Variants in INPP4B observed in about 807,000 individuals in gnomAD.
The protein encoded by INPP4B is inositol polyphosphate 4-phosphatase type II.
In INPP4B, 55 loss-of-function variants were observed where a neutral mutation model predicts 122.5. The ratio of observed to expected loss-of-function variants is 0.45; its 90% CI spans 0.36 to 0.56. The LOEUF is 0.56. INPP4B is among the 20% of genes least tolerant of loss of function. INPP4B has a pLI of 0.00. For synonymous variants in INPP4B, 403 were observed against 388.7 expected, an observed-to-expected ratio of 1.04 and a Z score of -0.43; for missense variants, 1,000 against 1,097.7, an observed-to-expected ratio of 0.91 and a Z score of 1.26.
At chr4:142,143,483 C>CA (rs1808939515) in intron 18 of INPP4B, among the ~76,000 whole-genome samples, 1 of 152,068 alleles carries the variant, frequency 6.6e-6, no homozygotes, top group African/African-American at 2.4e-5. Flanking sequence ...TTTCAGAGGG[C>CA]AAAAGGAGAA....
chr4:142,691,943 T>TC (rs1183645543), intron 2 of INPP4B, among the ~76,000 whole-genome samples: 1 of 152,110 alleles, frequency 6.6e-6, no homozygotes, highest in African/African-American at 2.4e-5. Context: ...ACTAAGACAC[T>TC]CCCCTTCTAA....
chr4:142,371,839 A>C (rs553490756), intron 7 of INPP4B, among the ~76,000 whole-genome samples: 42 of 152,096 alleles, frequency 2.8e-4, no homozygotes, highest in African/African-American at 9.9e-4. Flanking sequence ...TGGGAATATA[A>C]ATTAGTACAG....
chr4:142,403,781 A>G (rs768636781), intron 6 of INPP4B, among the ~76,000 whole-genome samples: 20 of 152,310 alleles, frequency 1.3e-4, no homozygotes, highest in Non-Finnish European at 2.1e-4. Context: ...AAGCCCAAGT[A>G]ATTCATTCAT....
chr4:142,585,846 TTTATTATTA>T (rs59890158), intron 2 of INPP4B, among the ~76,000 whole-genome samples: 2,089 of 144,598 alleles, frequency 0.014, 43 homozygotes, highest in African/African-American at 0.041. Flanking sequence ...CACTAAACAC[TTTATTATTA>T]TTATTATTAT....
At chr4:142,315,377 T>A (rs1454066622) in intron 7 of INPP4B, among the ~76,000 whole-genome samples, 1 of 152,074 alleles carries the variant, frequency 6.6e-6, no homozygotes, top group Non-Finnish European at 1.5e-5. Flanking sequence ...TAATTCTCAA[T>A]TGTGGGAGGG....
intron 11 of INPP4B, among the ~76,000 whole-genome samples, chr4:142,247,824 C>T (rs930292464): frequency 6.6e-6 from 1 of 151,976 alleles, no homozygotes; most frequent in Non-Finnish European, 1.5e-5. Flanking sequence ...TTTAATGAGA[C>T]TTAAGGAAAG....
At chr4:142,498,517 G>C (rs1182134126) in intron 2 of INPP4B, among the ~76,000 whole-genome samples, 2 of 152,048 alleles carry the variant, frequency 1.3e-5, no homozygotes, top group African/African-American at 4.8e-5. Flanking sequence ...GGCCAGGTGT[G>C]GTGGCTCACA....
chr4:142,206,715 C>T (rs1024446022), intron 14 of INPP4B, among the ~76,000 whole-genome samples: 1 of 151,946 alleles, frequency 6.6e-6, no homozygotes, highest in Non-Finnish European at 1.5e-5. Flanking sequence ...ACCATTACCA[C>T]GACTTATGCC....
intron 11 of INPP4B, among the ~76,000 whole-genome samples, chr4:142,246,363 T>C (rs1037683345): frequency 3.3e-5 from 5 of 152,190 alleles, no homozygotes; most frequent in Non-Finnish European, 7.3e-5. Context: ...GGGGATAGCA[T>C]TGAATCTACA....
chr4:142,218,866 A>G (rs1848338040), intron 12 of INPP4B, among the ~76,000 whole-genome samples: 1 of 152,232 alleles, frequency 6.6e-6, no homozygotes, highest in South Asian at 2.1e-4. Context: ...TGAAGAATAG[A>G]CTACATAAAT....
chr4:142,268,139 C>T (rs907907960), intron 10 of INPP4B, among the ~76,000 whole-genome samples: 2 of 150,688 alleles, frequency 1.3e-5, no homozygotes, highest in Non-Finnish European at 3.0e-5. Context: ...CTGGCTAACA[C>T]GGTGAAACCC....
chr4:142,625,470 A>G (rs1259712011), intron 2 of INPP4B, among the ~76,000 whole-genome samples: 2 of 152,174 alleles, frequency 1.3e-5, no homozygotes, highest in Non-Finnish European at 2.9e-5. Context: ...CCACTGCTCA[A>G]TGAAATAAAA....
chr4:142,517,512 A>G (rs1825557668), intron 2 of INPP4B, among the ~76,000 whole-genome samples: 1 of 152,162 alleles, frequency 6.6e-6, no homozygotes, highest in East Asian at 1.9e-4. Context: ...CTATGGAGCA[A>G]AGAGATACCA....
At chr4:142,353,574 C>A (rs1367099070) in intron 7 of INPP4B, among the ~76,000 whole-genome samples, 1 of 152,028 alleles carries the variant, frequency 6.6e-6, no homozygotes, top group Non-Finnish European at 1.5e-5. Context: ...TTCTTTCTCT[C>A]TCTGTATATA....
intron 7 of INPP4B, among the ~76,000 whole-genome samples, chr4:142,358,991 T>A (rs546533528): frequency 6.6e-6 from 1 of 152,094 alleles, no homozygotes; most frequent in African/African-American, 2.4e-5. Context: ...TAGAGGGCTA[T>A]TCTGACCTAG....
intron 11 of INPP4B, among the ~76,000 whole-genome samples, chr4:142,258,151 T>C (rs1160670980): frequency 1.3e-5 from 2 of 152,136 alleles, no homozygotes; most frequent in Non-Finnish European, 2.9e-5. Flanking sequence ...GCTAGCCATA[T>C]GTAGAAAGCT....
intron 2 of INPP4B, among the ~76,000 whole-genome samples, chr4:142,467,089 C>T (rs1440435014): frequency 6.6e-6 from 1 of 152,194 alleles, no homozygotes; most frequent in Non-Finnish European, 1.5e-5. Context: ...AGAAACTTTA[C>T]TAGGGCAATG....
intron 2 of INPP4B, among the ~76,000 whole-genome samples, chr4:142,465,249 T>C (rs542033353): frequency 2.2e-4 from 33 of 152,290 alleles, no homozygotes; most frequent in African/African-American, 7.7e-4. Context: ...ACTTTTTTTT[T>C]GTTCCCATTA....
intron 24 of INPP4B, among the ~76,000 whole-genome samples, chr4:142,084,638 C>T (rs1775843223): frequency 6.6e-6 from 1 of 152,102 alleles, no homozygotes; most frequent in African/African-American, 2.4e-5. Flanking sequence ...AGAAATGCTA[C>T]TAATCATTCA....
Sources: gnomAD v4.1 joint callset for allele counts (sites outside exome capture counted in the v4.1 genomes callset) on GRCh38, gnomAD v4.1.1 for gene constraint, MANE v1.5 for transcripts, NCBI Gene and HGNC (gene_info 2026-07-23, HGNC 2026-07-21) for gene names.